SIL1: variants seen among roughly 807,000 people sequenced by gnomAD.
SIL1 encodes the protein nucleotide exchange factor SIL1.
Under a neutral mutation model 49.1 loss-of-function variants are expected in SIL1, and 40 were observed. The ratio of observed to expected loss-of-function variants is 0.81; its 90% CI spans 0.63 to 1.06. SIL1 has a LOEUF of 1.06. Ranked by LOEUF, SIL1 falls within the 50% of genes least tolerant of loss-of-function variation. The probability of loss-of-function intolerance (pLI) is 0.00; values close to 1 mark genes in which losing one functional copy is unlikely to be tolerated. For missense variants in SIL1, 500 were observed against 572.6 expected, an observed-to-expected ratio of 0.87 and a Z score of 1.29; for synonymous variants, 253 against 250.8, an observed-to-expected ratio of 1.01 and a Z score of -0.08.
Position 139,192,767 on chromosome 5 carries a change from G to A in SIL1, c.-11+5502C>T, listed in dbSNP as rs1581162933. Among the ~76,000 whole-genome samples the A allele has an allele frequency of 2.0e-5, 3 of 152,034 alleles. No homozygotes were observed. The South Asian group carries it at 6.2e-4, about 32-fold the overall frequency. On this transcript the variant is annotated intron_variant, in intron 1 of 9. Coordinates refer to ENST00000394817, the MANE Select transcript of SIL1 (RefSeq NM_022464.5). ...AATCCCAGTACTTTGGGAGACCGAG[G>A]CAGGAGAAATGCTTGAGCCCAGAAG... is the stretch of plus-strand genomic sequence containing the variant.
chr5:139,090,936 G>A (rs1487536435), intron 3 of SIL1, among the ~76,000 whole-genome samples: 1 of 152,026 alleles, frequency 6.6e-6, no homozygotes, highest in Non-Finnish European at 1.5e-5. Context: ...AAGCAGTGTT[G>A]GGATAACTCA....
At chr5:139,143,322 C>T (rs866384251) in intron 1 of SIL1, among the ~76,000 whole-genome samples, 21,824 of 116,998 alleles carry the variant, frequency 0.19, 2,366 homozygotes, top group Non-Finnish European at 0.25. Context: ...CACACACACA[C>T]ACACACACAC....
intron 4 of SIL1, among the ~76,000 whole-genome samples, chr5:139,048,521 G>A (rs1014575841): frequency 7.2e-5 from 11 of 151,900 alleles, no homozygotes; most frequent in South Asian, 4.2e-4. Flanking sequence ...GACTACAGGC[G>A]TGTGCCACCA....
intron 1 of SIL1, among the ~76,000 whole-genome samples, chr5:139,164,286 T>A (rs1014634042): frequency 6.6e-6 from 1 of 152,044 alleles, no homozygotes; most frequent in African/African-American, 2.4e-5. Context: ...CCAGCTACTT[T>A]CTCTAATGAC....
intron 7 of SIL1, among the ~76,000 whole-genome samples, chr5:138,964,324 A>T (rs1767088905): frequency 6.6e-6 from 1 of 152,188 alleles, no homozygotes; most frequent in Non-Finnish European, 1.5e-5. Flanking sequence ...TTAACAGCCG[A>T]CAGAGACGCG....
At chr5:139,001,058 A>G (rs955768753) in intron 7 of SIL1, among the ~76,000 whole-genome samples, 1 of 152,088 alleles carries the variant, frequency 6.6e-6, no homozygotes, top group Non-Finnish European at 1.5e-5. Context: ...TCTGTATAGT[A>G]TAATTCCAAT....
intron 3 of SIL1, among the ~76,000 whole-genome samples, chr5:139,102,823 TCC>T (rs1300166478): frequency 6.6e-6 from 1 of 151,902 alleles, no homozygotes; most frequent in Non-Finnish European, 1.5e-5. Flanking sequence ...CAAGCAGTTC[TCC>T]TGCCTCAGCC....
chr5:139,162,438 A>C (rs1403498149), intron 1 of SIL1, among the ~76,000 whole-genome samples: 1 of 152,246 alleles, frequency 6.6e-6, no homozygotes, highest in Non-Finnish European at 1.5e-5. Context: ...CAATGCTCAA[A>C]GCCTAGCAAC....
At chr5:139,190,684 C>A (rs928804414) in intron 1 of SIL1, among the ~76,000 whole-genome samples, 3 of 152,104 alleles carry the variant, frequency 2.0e-5, no homozygotes, top group Non-Finnish European at 4.4e-5. Flanking sequence ...AAATAAAAAC[C>A]TATCAAATGC....
At chr5:138,973,782 C>T (rs889874393) in intron 7 of SIL1, among the ~76,000 whole-genome samples, 1 of 152,028 alleles carries the variant, frequency 6.6e-6, no homozygotes, top group African/African-American at 2.4e-5. Flanking sequence ...GACTAAGTCC[C>T]ACTATGTTGC....
rs192585840 is a variant in SIL1 at position 139,046,084 on chromosome 5, T to G, written c.354-3365A>C. On this transcript the variant is annotated intron_variant, in intron 4 of 9. Coordinates refer to ENST00000394817, the MANE Select transcript of SIL1 (RefSeq NM_022464.5). Reference sequence around the variant, plus strand: ...TGGCTCATGCCTGCAATTCCGGCACTTTGGGAGGCCGAGGCGGGCAGATCA... The same window carrying G: ...TGGCTCATGCCTGCAATTCCGGCACGTTGGGAGGCCGAGGCGGGCAGATCA... Among the ~76,000 whole-genome samples the G allele has an allele frequency of 1.7e-3, 261 of 152,348 alleles. 3 individuals are homozygous for G. The highest frequency in any genetic ancestry group is 0.015 in the Admixed American group (235 of 15,308).
At chr5:139,197,330 A>G (rs1045834559) in intron 1 of SIL1, among the ~76,000 whole-genome samples, 2 of 151,138 alleles carry the variant, frequency 1.3e-5, no homozygotes, top group African/African-American at 4.9e-5. Flanking sequence ...CTTAGCAAAT[A>G]TGTAAGTTTC....
intron 5 of SIL1, among the ~76,000 whole-genome samples, chr5:139,029,189 G>GT (rs1332216443): frequency 2.6e-5 from 4 of 152,146 alleles, no homozygotes; most frequent in Admixed American, 6.6e-5. Flanking sequence ...ATGAAAGGTG[G>GT]TAACTTTGGC....
At chr5:139,174,658 G>A (rs553901380) in intron 1 of SIL1, among the ~76,000 whole-genome samples, 1 of 152,052 alleles carries the variant, frequency 6.6e-6, no homozygotes, top group South Asian at 2.1e-4. Flanking sequence ...AAAAAAGACT[G>A]CAGGGTGAAG....
rs561832221 is a variant in SIL1 at position 139,059,736 on chromosome 5, A to G, written c.245-8690T>C. On this transcript the variant is annotated intron_variant, in intron 3 of 9. Coordinates refer to ENST00000394817, the MANE Select transcript of SIL1 (RefSeq NM_022464.5). ...GTTGTGTGTATATATCCACACATCT[A>G]TATTTCTATATCTATTTATCTGTAT... 5.3e-5 allele frequency among the ~76,000 whole-genome samples: 8 copies of G among 152,280 alleles called. No individual in the cohort carries two copies. The East Asian group carries it at 1.3e-3, about 26-fold the overall frequency.
chr5:139,168,828 G>A (rs777199132), intron 1 of SIL1, among the ~76,000 whole-genome samples: 4 of 151,932 alleles, frequency 2.6e-5, no homozygotes, highest in African/African-American at 2.4e-5. Flanking sequence ...TGGGCCTGAC[G>A]GCACGTGTCT....
intron 6 of SIL1, among the ~76,000 whole-genome samples, chr5:139,025,701 C>A (rs1768631235): frequency 6.6e-6 from 1 of 152,108 alleles, no homozygotes; most frequent in South Asian, 2.1e-4. Context: ...CTTTTCCAGG[C>A]CCTCAATCTC....
At chr5:139,181,005 C>CT (rs1385220416) in intron 1 of SIL1, among the ~76,000 whole-genome samples, 1 of 152,210 alleles carries the variant, frequency 6.6e-6, no homozygotes, top group African/African-American at 2.4e-5. Context: ...ACCCTTCCCC[C>CT]TGCACTCATT....
chr5:139,102,842 G>A (rs1344131851), intron 3 of SIL1, among the ~76,000 whole-genome samples: 1 of 151,854 alleles, frequency 6.6e-6, no homozygotes, highest in Non-Finnish European at 1.5e-5. Flanking sequence ...AGCCTCCTGA[G>A]TAGCTGGGAT....
Sources: gnomAD v4.1 joint callset for allele counts (sites outside exome capture counted in the v4.1 genomes callset) on GRCh38, gnomAD v4.1.1 for gene constraint, MANE v1.5 for transcripts, NCBI Gene and HGNC (gene_info 2026-07-23, HGNC 2026-07-21) for gene names.